The following SPG7 variants were observed in gnomAD, a reference collection of about 807,000 sequenced individuals.
SPG7 encodes the protein SPG7 matrix AAA peptidase subunit, paraplegin.
In SPG7, 103 loss-of-function variants were observed where a neutral mutation model predicts 81.9. The observed-to-expected ratio is 1.26, with a 90% confidence interval of 1.07 to 1.48. The LOEUF is 1.48. SPG7 is among the 40% of genes most tolerant of loss of function. SPG7 has a pLI of 0.00. For synonymous variants in SPG7, 534 were observed against 444.2 expected (o/e 1.20, Z -2.54); for missense variants, 1,241 against 1,087.3 (o/e 1.14, Z -1.99).
At chr16:89,510,241 T>G (rs898169323) in intron 1 of SPG7, among the ~76,000 whole-genome samples, 3 of 151,570 alleles carry the variant, frequency 2.0e-5, no homozygotes, top group Admixed American at 1.3e-4. Flanking sequence ...TCCCAAAGTG[T>G]TGGGATTACA....
chr16:89,514,448 G>A (rs8043557), intron 3 of SPG7: 65,138 of 150,038 alleles, frequency 0.43, 14,566 homozygotes, highest in East Asian at 0.67. Flanking sequence ...AGCCTCCGAA[G>A]TAGCTGGGAT....
rs2058553010 is a variant in SPG7, at chr16:89,545,562, G to GGACATGGCTTCTCCAGGT, written c.1449+794_1449+795insTGGCTTCTCCAGGTGACA. 7 of 211,362 alleles carry GGACATGGCTTCTCCAGGT rather than the reference G, an allele frequency of 3.3e-5. No individual in the cohort carries two copies. The South Asian group carries it at 4.2e-4, about 13-fold the overall frequency. 13.1% of individuals were successfully genotyped at this position (211,362 alleles called of 1,614,324 possible). On this transcript the variant is annotated intron_variant, in intron 10 of 16. Transcript: ENST00000645818. The stretch of plus-strand genomic sequence containing the variant: ...CTCCAGGGGACATGGCTTCTCCAGG[G>GGACATGGCTTCTCCAGGT]GACACGGCTTCTCCAGGGGACATGG...
rs2058083719 is a variant in SPG7 at position 89,515,513 on chromosome 16, C to A, written c.376+2476C>A. Among the ~76,000 whole-genome samples the A allele has an allele frequency of 2.0e-5, 3 of 148,016 alleles. No individual in the cohort carries two copies. In the South Asian group the frequency reaches 6.5e-4, roughly 32 times the overall value. On this transcript the variant is annotated intron_variant, in intron 3 of 16. Transcript: ENST00000645818. ...TGAACTCCTGACCTCGTGATCTCCCCACTTCGGCCTCCCAAAGTGCTGGGA... is the reference window on the plus strand; with the variant it reads ...TGAACTCCTGACCTCGTGATCTCCCAACTTCGGCCTCCCAAAGTGCTGGGA...
chr16:89,546,503 C>G (rs928067821), intron 10 of SPG7, 155 bp from the exon 11 acceptor site: 5 of 701,068 alleles, frequency 7.1e-6, no homozygotes, highest in Middle Eastern at 5.0e-4. Context: ...CTTTGCGAAA[C>G]CCCGTCTCTA....
At chr16:89,536,625 G>A in intron 9 of SPG7, 1 of 965,534 alleles carries the variant, frequency 1.0e-6, no homozygotes, top group African/African-American at 1.9e-5. Flanking sequence ...AGGCGGGTGA[G>A]GGCGGGTGAG....
At chr16:89,535,148 G>T (rs1037007291) in intron 9 of SPG7, among the ~76,000 whole-genome samples, 3 of 152,216 alleles carry the variant, frequency 2.0e-5, no homozygotes, top group Non-Finnish European at 4.4e-5. Flanking sequence ...GGCAGGATTG[G>T]TGCAGCAGTG....
chr16:89,551,936 CAGAT>C (rs1221879821), intron 13 of SPG7: 1 of 152,168 alleles, frequency 6.6e-6, no homozygotes, highest in Non-Finnish European at 1.5e-5. Flanking sequence ...GGGCAAAAGT[CAGAT>C]AGTCACAATG....
Position 89,529,320 on chromosome 16 carries a change from C to G in SPG7, c.759-157C>G, listed in dbSNP as rs899565393. 17 of 675,820 alleles carry G rather than the reference C, an allele frequency of 2.5e-5. No individual in the cohort carries two copies. The African/African-American group carries it at 3.0e-4, about 12-fold the overall frequency. The allele number at this position is 675,820 out of a possible 1,614,324, so 41.9% of individuals were successfully genotyped here. A position where few individuals can be genotyped will look rare whatever the true frequency, so the allele number is the denominator to read the frequency against. On this transcript the variant is annotated intron_variant, in intron 5 of 16. Coordinates refer to ENST00000645818, the MANE Select transcript of SPG7 (RefSeq NM_003119.4). ...AGTCAGCGAGAATGAGACGAGAGAA[C>G]CCATTTCCACAACCATTTTAATCTG...
rs2058259411 is a variant in SPG7 at position 89,526,319 on chromosome 16, T to C, written c.619-10T>C. 3.7e-6 allele frequency: 6 copies of C among 1,614,000 alleles called. 1 individual carries two copies. Among genetic ancestry groups the C allele is most frequent in the African/African-American group, 2.7e-5 (2 of 75,026 alleles). On this transcript the variant is annotated splice_polypyrimidine_tract_variant and intron_variant, in intron 4 of 16. Coordinates refer to ENST00000645818, the MANE Select transcript of SPG7 (RefSeq NM_003119.4). ...GTTTCTCATGGTCCCCTCTCCTTTC[T>C]GCCCCCCAGCGGCTAGCCTTGATGT...
chr16:89,537,505 A>C, intron 9 of SPG7: 2 of 994,496 alleles, frequency 2.0e-6, no homozygotes, highest in Admixed American at 5.7e-5. Context: ...CACACACAGA[A>C]AAGGCTGCTG....
chr16:89,524,279 G>C (rs756967660), intron 4 of SPG7, 32 bp downstream of exon 4: 11 of 1,592,428 alleles, frequency 6.9e-6, no homozygotes, highest in Admixed American at 5.1e-5. Flanking sequence ...CTGTGAGTGA[G>C]GGTGTGGGCA....
At chr16:89,529,108 G>A (rs4785689) in intron 5 of SPG7, 158,342 of 343,372 alleles carry the variant, frequency 0.46, 37,503 homozygotes, top group East Asian at 0.68. Flanking sequence ...CACCGCGCCC[G>A]GCCTGAGATT....
intron 9 of SPG7, chr16:89,544,198 C>A (rs538444841): frequency 3.8e-6 from 1 of 263,476 alleles, no homozygotes; most frequent in African/African-American, 2.2e-5. Flanking sequence ...CGATGACAAA[C>A]GTCAAGCCTG....
Position 89,553,073 on chromosome 16 carries a change from G to A in SPG7, c.1874G>A (p.Arg625Gln), listed in dbSNP as rs766010831. 1.5e-5 allele frequency: 24 copies of A among 1,613,580 alleles called. No homozygotes were observed. Among genetic ancestry groups the A allele is most frequent in the East Asian group, 2.2e-5 (1 of 44,860 alleles). The change falls in exon 14 of 17, where the codon CGG becomes CAG. Residue 625 changes from arginine to glutamine, a missense_variant. By Grantham distance (43) the Arg-to-Gln change is conservative. Coordinates refer to ENST00000645818, the MANE Select transcript of SPG7 (RefSeq NM_003119.4). Reference protein sequence around the residue: ...HLFTKEQLFERMCMALGGRAS... With the variant: ...HLFTKEQLFEQMCMALGGRAS... ...TTCACCAAGGAGCAGCTGTTTGAGC[G>A]GATGTGCATGGCCCTGGGAGGACGG... is the stretch of plus-strand genomic sequence containing the variant.
intron 10 of SPG7, chr16:89,545,237 G>T (rs2058547757): frequency 1.3e-5 from 4 of 303,794 alleles, no homozygotes; most frequent in Middle Eastern, 1.2e-3. Context: ...GGGAGTAGAA[G>T]TCCTGAGGCC....
In SPG7 at chr16:89,554,971, G is replaced by A. The variant is rs192317637; in HGVS notation, c.2181+408G>A. 4.2e-3 allele frequency: 951 copies of A among 224,836 alleles called. 10 individuals are homozygous for A. The highest frequency in any genetic ancestry group is 0.021 in the African/African-American group (900 of 42,506). 13.9% of individuals were successfully genotyped at this position (224,836 alleles called of 1,614,324 possible). ...TGCTCTGTCACCCAGGCTGGAGTGC[G>A]ATGGCGACATCTTGGCTCACTGCAA... On this transcript the variant is annotated intron_variant, in intron 16 of 16. Coordinates refer to ENST00000645818, the MANE Select transcript of SPG7 (RefSeq NM_003119.4).
Position 89,557,125 on chromosome 16 carries a change from C to T in SPG7, c.*32C>T. 1 of 1,583,280 alleles carries T rather than the reference C, an allele frequency of 6.3e-7. No individual in the cohort carries two copies. ...GGTGTTGGCTGCACGTGCGGGTGGT[C>T]CGGGAAGTGAGGGCTCACTCAGCCA... On this transcript the variant is annotated 3_prime_UTR_variant, in exon 17 of 17. Transcript: ENST00000645818.
intron 9 of SPG7, chr16:89,537,352 C>T: frequency 8.6e-7 from 1 of 1,161,932 alleles, no homozygotes; most frequent in Non-Finnish European, 1.1e-6. Flanking sequence ...CAGGTCCCGG[C>T]TCCTGTGCTG....
chr16:89,546,572 C>A (rs1387439125), intron 10 of SPG7, 86 bp from the exon 11 acceptor site: 8 of 36,746 alleles, frequency 2.2e-4, no homozygotes, highest in South Asian at 9.7e-4. Context: ...TACTTGGGGA[C>A]CCCCCCCCCC....
Sources: allele counts gnomAD v4.1 joint callset (sites outside exome capture counted in the v4.1 genomes callset), GRCh38; gene constraint gnomAD v4.1.1; transcripts MANE v1.5; gene names NCBI Gene and HGNC (gene_info 2026-07-23, HGNC 2026-07-21).